Variants in CRMP1 observed in about 807,000 individuals in gnomAD.
CRMP1 encodes the protein collapsin response mediator protein 1.
Under a neutral mutation model 68.3 loss-of-function variants are expected in CRMP1, and 19 were observed. That is an observed-to-expected ratio of 0.28 (90% CI 0.19 to 0.41). The LOEUF (loss-of-function observed/expected upper bound fraction) is 0.41. Among genes scored for constraint, CRMP1 ranks in the 10% least tolerant of loss-of-function variants. The pLI is 1.00. For missense variants in CRMP1, 791 were observed against 967.4 expected, an observed-to-expected ratio of 0.82 and a Z score of 2.42; for synonymous variants, 439 against 399.6, an observed-to-expected ratio of 1.10 and a Z score of -1.18.
chr4:5,842,821 T>C lies in CRMP1; in HGVS notation c.1032+272A>G, dbSNP rs1468205996. Among the ~76,000 whole-genome samples, 1 of 152,138 alleles carries C rather than the reference T, an allele frequency of 6.6e-6. No homozygotes were observed. Among genetic ancestry groups the C allele is most frequent in the Non-Finnish European group, 1.5e-5 (1 of 68,010 alleles). ...CTTTCCTATTATCCACTATGCCATGTCCTCCATGAGAATCCGTATCCACTT... is the reference window on the plus strand; with the variant it reads ...CTTTCCTATTATCCACTATGCCATGCCCTCCATGAGAATCCGTATCCACTT... On this transcript the variant is annotated intron_variant, in intron 7 of 13. Transcript: ENST00000324989. This position sits in a 1 kb window ranked among gnomAD's most constrained non-coding sequence, Gnocchi z 4.5.
intron 6 of CRMP1, among the ~76,000 whole-genome samples, chr4:5,848,231 A>G (rs1308122794): frequency 6.6e-6 from 1 of 151,210 alleles, no homozygotes; most frequent in Non-Finnish European, 1.5e-5. Flanking sequence ...TGCAAGCTCC[A>G]CCTTCCAGGT....
At position 5,891,704 on chromosome 4, in the gene CRMP1, G is replaced by A. The variant is rs550554245; in HGVS notation, c.381+885C>T. On this transcript the variant is annotated intron_variant, in intron 1 of 13. Transcript: ENST00000324989. The surrounding 1 kb of genome is among the most constrained non-coding windows in gnomAD (Gnocchi z 5.2). ...CGGATGCTCCAACTTCCGTTTTTCT[G>A]GCACCTGACCCTGGCTCTCGTCGGT... Among the ~76,000 whole-genome samples the A allele has an allele frequency of 1.8e-4, 28 of 152,270 alleles. No individual in the cohort carries two copies. The South Asian group carries it at 5.6e-3, about 30-fold the overall frequency.
intron 12 of CRMP1, chr4:5,826,740 G>A (rs1173764515): frequency 6.6e-6 from 1 of 152,480 alleles, no homozygotes; most frequent in African/African-American, 2.4e-5. Flanking sequence ...CCAACACGGG[G>A]CTTCATCCTC....
In CRMP1 at chr4:5,856,594, C is replaced by T. The variant is rs529018785; in HGVS notation, c.656-287G>A. 4.6e-5 allele frequency among the ~76,000 whole-genome samples: 7 copies of T among 150,656 alleles called. No homozygotes were observed. In the East Asian group the frequency reaches 1.2e-3, roughly 25 times the overall value. ...ACCACCATCATCACCATCATTATCA[C>T]CCCATCACCATCATCACCATGACCG... On this transcript the variant is annotated intron_variant, in intron 3 of 13. Transcript: ENST00000324989.
chr4:5,835,831 T>C, intron 11 of CRMP1, 84 bp downstream of exon 11: 1 of 1,330,460 alleles, frequency 7.5e-7, no homozygotes, highest in Non-Finnish European at 9.8e-7. Context: ...GTTGGAAAAT[T>C]CATAAATCAT....
chr4:5,847,942 TACA>T (rs1393727433), intron 6 of CRMP1, among the ~76,000 whole-genome samples: 1 of 152,196 alleles, frequency 6.6e-6, no homozygotes, highest in East Asian at 1.9e-4. Flanking sequence ...TGGCTTGATT[TACA>T]ACATTATAAC....
rs1255330694 is a variant in CRMP1, at chr4:5,889,683, T to C, written c.381+2906A>G. 1.2e-5 allele frequency: 18 copies of C among 1,536,018 alleles called. No individual in the cohort carries two copies. The highest frequency in any genetic ancestry group is 7.8e-5 in the Admixed American group (4 of 50,990). On this transcript the variant is annotated intron_variant, in intron 1 of 13. Coordinates refer to ENST00000324989, the MANE Select transcript of CRMP1 (RefSeq NM_001014809.3). The surrounding 1 kb of genome is among the most constrained non-coding windows in gnomAD (Gnocchi z 4.5). ...GCGAAATCCAACCCCACAGGTCCTA[T>C]GAAACTACTCATCTTTTCTGCTTTC...
At chr4:5,863,959 G>A (rs910595652) in intron 2 of CRMP1, among the ~76,000 whole-genome samples, 9 of 152,180 alleles carry the variant, frequency 5.9e-5, no homozygotes, top group African/African-American at 2.2e-4. Context: ...GTCCGGAGTA[G>A]GACTGCCAAC....
In CRMP1 at chr4:5,825,207, C is replaced by T; in HGVS notation, c.1969+287G>A. ...TTCATGAGGAAGAGTGTGAAAGTGT[C>T]CCCAAATGTGTGTAAGGATGAGCAC... On this transcript the variant is annotated intron_variant, in intron 13 of 13. Coordinates refer to ENST00000324989, the MANE Select transcript of CRMP1 (RefSeq NM_001014809.3). This position sits in a 1 kb window ranked among gnomAD's most constrained non-coding sequence, Gnocchi z 4.4. 3 of 985,322 alleles carry T rather than the reference C, an allele frequency of 3.0e-6. No homozygotes were observed. The highest frequency in any genetic ancestry group is 3.6e-6 in the Non-Finnish European group (3 of 829,914). 61.0% of individuals were successfully genotyped at this position (985,322 alleles called of 1,614,324 possible). A position where few individuals can be genotyped will look rare whatever the true frequency, so the allele number is the denominator to read the frequency against.
intron 13 of CRMP1, chr4:5,824,307 G>C: frequency 1.0e-6 from 1 of 985,192 alleles, no homozygotes; most frequent in Non-Finnish European, 1.2e-6. Context: ...TTCTATTTAG[G>C]GTCCATTTTG....
chr4:5,862,898 T>G (rs1461719122), intron 2 of CRMP1, among the ~76,000 whole-genome samples: 1 of 152,210 alleles, frequency 6.6e-6, no homozygotes, highest in Non-Finnish European at 1.5e-5. Flanking sequence ...CTCAACTTGC[T>G]GGGCTCAAGC....
rs1027745745 is a variant in CRMP1, at chr4:5,865,109, G to A, written c.470+1559C>T. ...CCATCATCATCTCCAAAGCCCACAC[G>A]GGCCCCAGGATGATCCTGTTAACAG... On this transcript the variant is annotated intron_variant, in intron 2 of 13. Coordinates refer to ENST00000324989, the MANE Select transcript of CRMP1 (RefSeq NM_001014809.3). The surrounding 1 kb of genome is among the most constrained non-coding windows in gnomAD (Gnocchi z 4.1). Among the ~76,000 whole-genome samples the A allele has an allele frequency of 2.6e-5, 4 of 151,658 alleles. No individual in the cohort carries two copies. Among genetic ancestry groups the A allele is most frequent in the Middle Eastern group, 3.2e-3 (1 of 316 alleles).
At chr4:5,849,025 G>T (rs1486349412) in intron 6 of CRMP1, among the ~76,000 whole-genome samples, 7 of 152,154 alleles carry the variant, frequency 4.6e-5, no homozygotes, top group African/African-American at 1.7e-4. Flanking sequence ...CAATAACACT[G>T]CCAGGTGGTT....
In CRMP1 at chr4:5,843,600, G is replaced by C. The variant is rs1341124512; in HGVS notation, c.964-439C>G. Among the ~76,000 whole-genome samples, 2 of 152,168 alleles carry C rather than the reference G, an allele frequency of 1.3e-5. No homozygotes were observed. The highest frequency in any genetic ancestry group is 4.8e-5 in the African/African-American group (2 of 41,440). On this transcript the variant is annotated intron_variant, in intron 6 of 13. Coordinates refer to ENST00000324989, the MANE Select transcript of CRMP1 (RefSeq NM_001014809.3). The surrounding 1 kb of genome is among the most constrained non-coding windows in gnomAD (Gnocchi z 4.1). ...CAAAGATCCCGAAACTGGGAGTCCA[G>C]ATCCAGAACAGCCGTCTCTGTGACT...
At chr4:5,862,128 A>G (rs1713611136) in intron 2 of CRMP1, among the ~76,000 whole-genome samples, 1 of 152,174 alleles carries the variant, frequency 6.6e-6, no homozygotes, top group Admixed American at 6.5e-5. Context: ...CTAGGACCGC[A>G]TAGTGCCAGG....
intron 6 of CRMP1, among the ~76,000 whole-genome samples, chr4:5,847,726 G>C (rs1173543336): frequency 6.6e-6 from 1 of 152,184 alleles, no homozygotes; most frequent in African/African-American, 2.4e-5. Flanking sequence ...GAACTAGAGG[G>C]AACTGGTTAA....
chr4:5,884,551 C>T (rs3774891), intron 1 of CRMP1, among the ~76,000 whole-genome samples: 81,870 of 151,386 alleles, frequency 0.54, 22,665 homozygotes, highest in East Asian at 0.74. Flanking sequence ...TGCTTGAATG[C>T]AAGCTCTCCT....
Position 5,877,542 on chromosome 4 carries a change from C to T in CRMP1, c.382-10786G>A, listed in dbSNP as rs556269168. 3.3e-5 allele frequency among the ~76,000 whole-genome samples: 5 copies of T among 152,288 alleles called. No individual in the cohort carries two copies. In the East Asian group the frequency reaches 5.8e-4, roughly 18 times the overall value. On this transcript the variant is annotated intron_variant, in intron 1 of 13. Coordinates refer to ENST00000324989, the MANE Select transcript of CRMP1 (RefSeq NM_001014809.3). This position sits in a 1 kb window ranked among gnomAD's most constrained non-coding sequence, Gnocchi z 4.3. ...ATCCATTTGCCTTTGATTTTGCCTC[C>T]GGGGACGACAGCCTGTCAGCCAGTG...
rs1165061754 is a variant in CRMP1 at position 5,888,143 on chromosome 4, G to A, written c.381+4446C>T. On this transcript the variant is annotated intron_variant, in intron 1 of 13. Transcript: ENST00000324989. The surrounding 1 kb of genome is among the most constrained non-coding windows in gnomAD (Gnocchi z 6.4). The stretch of plus-strand genomic sequence containing the variant: ...GAGGCCTCGGGGGGCGCCCCTGCCG[G>A]CGCCCCGTGGATCTGGACCCTGCCG... The A allele has an allele frequency of 2.5e-6, 3 of 1,224,212 alleles. No individual in the cohort carries two copies. The highest frequency in any genetic ancestry group is 4.1e-5 in the South Asian group (1 of 24,328). 75.8% of individuals were successfully genotyped at this position (1,224,212 alleles called of 1,614,324 possible). A position where few individuals can be genotyped will look rare whatever the true frequency, so the allele number is the denominator to read the frequency against.
Sources: allele counts gnomAD v4.1 joint callset (sites outside exome capture counted in the v4.1 genomes callset), GRCh38; gene constraint gnomAD v4.1.1; non-coding constraint Gnocchi (gnomAD v3.1); transcripts MANE v1.5; gene names NCBI Gene and HGNC (gene_info 2026-07-23, HGNC 2026-07-21).